The following FRMD3 variants were observed in gnomAD, a reference collection of about 807,000 sequenced individuals.
The protein encoded by FRMD3 is FERM domain-containing protein 3.
A neutral mutation model predicts 70.2 loss-of-function variants in FRMD3; 33 were observed. That is an observed-to-expected ratio of 0.47 (90% CI 0.36 to 0.63). The LOEUF (loss-of-function observed/expected upper bound fraction) is 0.63. Among genes scored for constraint, FRMD3 ranks in the 20% least tolerant of loss-of-function variants. FRMD3 has a pLI of 0.00. For synonymous variants in FRMD3, 279 were observed against 255.9 expected, an observed-to-expected ratio of 1.09 and a Z score of -0.86; for missense variants, 632 against 711.4, an observed-to-expected ratio of 0.89 and a Z score of 1.27.
chr9:83,427,411 C>G (rs955351626), intron 1 of FRMD3, among the ~76,000 whole-genome samples: 4 of 152,184 alleles, frequency 2.6e-5, no homozygotes, highest in Non-Finnish European at 5.9e-5. Context: ...CCTTAGGGGA[C>G]AGAACATGAA....
chr9:83,541,416 A>G (rs1829998250), upstream of FRMD3, among the ~76,000 whole-genome samples: 2 of 152,262 alleles, frequency 1.3e-5, no homozygotes, highest in South Asian at 2.1e-4. Flanking sequence ...TGGTACATGT[A>G]CAGGAAAAGA....
intron 1 of FRMD3, among the ~76,000 whole-genome samples, chr9:83,446,263 G>A (rs546232962): frequency 2.8e-4 from 42 of 152,166 alleles, no homozygotes; most frequent in Non-Finnish European, 5.6e-4. Flanking sequence ...CAGCCCTTCT[G>A]CCAGAGCCCA....
intron 1 of FRMD3, among the ~76,000 whole-genome samples, chr9:83,458,324 T>G (rs1271386268): frequency 6.6e-6 from 1 of 152,218 alleles, no homozygotes; most frequent in Non-Finnish European, 1.5e-5. Context: ...AACAGAGATT[T>G]CTACAAGCAT....
In FRMD3 at chr9:83,314,385, C is replaced by G. The variant is rs79787571; in HGVS notation, c.597-638G>C. Among the ~76,000 whole-genome samples the G allele has an allele frequency of 3.3e-5, 5 of 152,312 alleles. No homozygotes were observed. The East Asian group carries it at 7.7e-4, about 23-fold the overall frequency. On this transcript the variant is annotated intron_variant, in intron 6 of 13. Transcript: ENST00000304195. ...AAGACTATGCAACATTTCAAAGACC[C>G]CACTTTGACTAATATTAATATCCTA...
At chr9:83,517,196 A>G (rs1829471692) in intron 1 of FRMD3, among the ~76,000 whole-genome samples, 1 of 152,166 alleles carries the variant, frequency 6.6e-6, no homozygotes, top group African/African-American at 2.4e-5. Context: ...GGTTTTTTGG[A>G]AAGATCAACA....
downstream of FRMD3, chr9:83,243,314 C>T (rs1169089403): frequency 7.2e-6 from 9 of 1,241,458 alleles, no homozygotes; most frequent in Non-Finnish European, 9.2e-6. Flanking sequence ...TTGTCTCCAC[C>T]CTGTAGAGAG....
chr9:83,392,161 A>G (rs1329160714), intron 1 of FRMD3, among the ~76,000 whole-genome samples: 1 of 151,956 alleles, frequency 6.6e-6, no homozygotes. Context: ...TGGGTACACA[A>G]GCTGCCTCTG....
rs149607180 is a variant in FRMD3, at chr9:83,388,373, G to A, written c.252+1231C>T. Among the ~76,000 whole-genome samples the A allele has an allele frequency of 8.3e-3, 1,258 of 152,220 alleles. 19 individuals carry two copies. The highest frequency in any genetic ancestry group is 0.029 in the African/African-American group (1,211 of 41,540). On this transcript the variant is annotated intron_variant, in intron 2 of 13. Transcript: ENST00000304195. ...GGAGGAGAGCAAATTAAAGAAGGCA[G>A]AGGGGTCCTATCCCCACTTCCAGGC...
At chr9:83,524,823 A>G (rs1036905094) in intron 1 of FRMD3, among the ~76,000 whole-genome samples, 23 of 152,322 alleles carry the variant, frequency 1.5e-4, no homozygotes, top group African/African-American at 5.5e-4. Context: ...TAAACAAAGA[A>G]CCAATAAATA....
rs770016701 is a variant in FRMD3 at position 83,538,242 on chromosome 9, C to CG, written c.-12dup. ...GCAGGAGGCGAACATGCACCGCGGC[C>CG]GTGGGGAGCGAGCGGGAGGCTCAGG... On this transcript the variant is annotated 5_prime_UTR_variant, in exon 1 of 14. Transcript: ENST00000304195. This position sits in a 1 kb window ranked among gnomAD's most constrained non-coding sequence, Gnocchi z 4.7. 1.5e-5 allele frequency: 24 copies of CG among 1,553,270 alleles called. No homozygotes were observed. In the South Asian group the frequency reaches 1.6e-4, roughly 11 times the overall value.
chr9:83,507,597 G>A (rs1241283678), intron 1 of FRMD3, among the ~76,000 whole-genome samples: 1 of 147,494 alleles, frequency 6.8e-6, no homozygotes, highest in Non-Finnish European at 1.5e-5. Flanking sequence ...ATGAACCTGG[G>A]AGGCAGAGCT....
chr9:83,565,312 A>G, the FRMD3 span, among the ~76,000 whole-genome samples: 1 of 152,176 alleles, frequency 6.6e-6, no homozygotes, highest in African/African-American at 2.4e-5. Context: ...AGCACGTAAG[A>G]CTTAAGGTCA....
intron 6 of FRMD3, among the ~76,000 whole-genome samples, chr9:83,325,586 A>G (rs1242878631): frequency 6.6e-6 from 1 of 152,166 alleles, no homozygotes; most frequent in African/African-American, 2.4e-5. Context: ...CAGCCTCCCA[A>G]AGTGCAAAGA....
At chr9:83,518,963 C>T (rs1380010646) in intron 1 of FRMD3, among the ~76,000 whole-genome samples, 2 of 152,082 alleles carry the variant, frequency 1.3e-5, no homozygotes, top group African/African-American at 2.4e-5. Context: ...AACTGGACCC[C>T]TTCCTTACAC....
intron 3 of FRMD3, among the ~76,000 whole-genome samples, chr9:83,351,710 T>TAGAC (rs1215580227): frequency 3.3e-5 from 5 of 151,720 alleles, no homozygotes; most frequent in African/African-American, 4.9e-5. Flanking sequence ...GATAGATAGA[T>TAGAC]AGATAGATAG....
chr9:83,408,808 C>G (rs1427313000), intron 1 of FRMD3, among the ~76,000 whole-genome samples: 1 of 152,142 alleles, frequency 6.6e-6, no homozygotes, highest in Non-Finnish European at 1.5e-5. Flanking sequence ...CACCCTCGGA[C>G]ACAATCCATG....
At chr9:83,352,981 GC>G (rs1824212350) in intron 3 of FRMD3, among the ~76,000 whole-genome samples, 1 of 152,154 alleles carries the variant, frequency 6.6e-6, no homozygotes, top group Non-Finnish European at 1.5e-5. Context: ...CTCAAGATAT[GC>G]TCACTATTGA....
intron 1 of FRMD3, among the ~76,000 whole-genome samples, chr9:83,492,511 C>A (rs1052824945): frequency 6.6e-6 from 1 of 152,226 alleles, no homozygotes; most frequent in East Asian, 1.9e-4. Flanking sequence ...CACCTCCTTT[C>A]CGCCCGTGCT....
chr9:83,263,414 T>G (rs777531472), intron 13 of FRMD3, among the ~76,000 whole-genome samples: 7 of 148,066 alleles, frequency 4.7e-5, no homozygotes, highest in Non-Finnish European at 1.0e-4. Flanking sequence ...CCACTAAAAT[T>G]TTATCTCCTG....
Sources: allele counts gnomAD v4.1 joint callset (sites outside exome capture counted in the v4.1 genomes callset), GRCh38; gene constraint gnomAD v4.1.1; non-coding constraint Gnocchi (gnomAD v3.1); transcripts MANE v1.5; gene names NCBI Gene and HGNC (gene_info 2026-07-23, HGNC 2026-07-21).